The following RCOR1 variants were observed in gnomAD, a reference collection of about 807,000 sequenced individuals.
RCOR1 encodes the protein REST corepressor 1.
A neutral mutation model predicts 64.0 loss-of-function variants in RCOR1; 12 were observed. The ratio of observed to expected loss-of-function variants is 0.19; its 90% CI spans 0.12 to 0.30. The LOEUF (loss-of-function observed/expected upper bound fraction) is 0.30, where lower values mean the gene tolerates loss of function less well. RCOR1 is among the 10% of genes least tolerant of loss of function. RCOR1 has a pLI of 1.00. For synonymous variants in RCOR1, 279 were observed against 227.2 expected, an observed-to-expected ratio of 1.23 and a Z score of -2.05; for missense variants, 502 against 621.2, an observed-to-expected ratio of 0.81 and a Z score of 2.04.
At chr14:102,679,604 G>A (rs1216234574) in intron 2 of RCOR1, among the ~76,000 whole-genome samples, 2 of 151,518 alleles carry the variant, frequency 1.3e-5, no homozygotes, top group Admixed American at 6.6e-5. Flanking sequence ...TCAGTCTCCC[G>A]AGTAGCTGGG....
intron 3 of RCOR1, among the ~76,000 whole-genome samples, chr14:102,692,185 A>G (rs78940473): frequency 6.6e-6 from 1 of 152,202 alleles, no homozygotes; most frequent in African/African-American, 2.4e-5. Context: ...AAAGAGGTGT[A>G]TATTGATATA....
intron 8 of RCOR1, among the ~76,000 whole-genome samples, chr14:102,715,751 T>C (rs1321542370): frequency 6.6e-6 from 1 of 152,248 alleles, no homozygotes; most frequent in Non-Finnish European, 1.5e-5. Flanking sequence ...ATGAAAGTCA[T>C]GTGGTACTGT....
chr14:102,700,856 T>C (rs1895743032), intron 3 of RCOR1, among the ~76,000 whole-genome samples: 1 of 152,230 alleles, frequency 6.6e-6, no homozygotes, highest in Admixed American at 6.5e-5. Flanking sequence ...GGTAAAGACA[T>C]ACCCGAGACT....
At position 102,695,714 on chromosome 14, in the gene RCOR1, T is replaced by TA. The variant is rs1235205706; in HGVS notation, c.446-5564_446-5563insA. ...GCATGAGCCACCATGCCCTGCTATT[T>TA]TTTTTTTTTTTTTTTTAGTAGAGAC... On this transcript the variant is annotated intron_variant, in intron 3 of 11. Transcript: ENST00000262241. 2.0e-5 allele frequency among the ~76,000 whole-genome samples: 3 copies of TA among 147,304 alleles called. No homozygotes were observed. In the East Asian group the frequency reaches 5.8e-4, roughly 29 times the overall value.
intron 2 of RCOR1, among the ~76,000 whole-genome samples, chr14:102,609,861 C>T (rs1053425273): frequency 2.0e-5 from 3 of 150,152 alleles, no homozygotes; most frequent in Admixed American, 1.3e-4. Context: ...CCTTTAAGGC[C>T]GGGTGCAGTG....
intron 2 of RCOR1, among the ~76,000 whole-genome samples, chr14:102,668,760 T>C (rs1435335715): frequency 6.6e-6 from 1 of 152,196 alleles, no homozygotes; most frequent in Non-Finnish European, 1.5e-5. Context: ...TTTATTATCA[T>C]GGAGGATAAA....
At chr14:102,655,382 C>T (rs1894702040) in intron 2 of RCOR1, 10 of 985,226 alleles carry the variant, frequency 1.0e-5, no homozygotes, top group East Asian at 1.1e-4. Context: ...GCATTTTTCC[C>T]TTTGTGAAGC....
chr14:102,627,050 G>T (rs1893995682), intron 2 of RCOR1, among the ~76,000 whole-genome samples: 1 of 152,062 alleles, frequency 6.6e-6, no homozygotes, highest in Non-Finnish European at 1.5e-5. Context: ...TAGTTTAAAT[G>T]TCTTACTTTA....
intron 2 of RCOR1, among the ~76,000 whole-genome samples, chr14:102,625,404 T>G (rs1309118924): frequency 6.6e-6 from 1 of 151,358 alleles, no homozygotes; most frequent in Non-Finnish European, 1.5e-5. Flanking sequence ...CCCGGCTAAT[T>G]TTGTATTTTT....
chr14:102,713,359 TGCCATTCTCCTGCCTCAGCCTCCC>T (rs1047654469), intron 7 of RCOR1, among the ~76,000 whole-genome samples: 5 of 150,462 alleles, frequency 3.3e-5, no homozygotes, highest in East Asian at 2.0e-4. Flanking sequence ...CCCAGGTTCA[TGCCATTCTCCTGCCTCAGCCTCCC>T]GCCATTCTCC....
At chr14:102,630,426 C>T (rs1397495769) in intron 2 of RCOR1, among the ~76,000 whole-genome samples, 1 of 152,164 alleles carries the variant, frequency 6.6e-6, no homozygotes, top group Non-Finnish European at 1.5e-5. Context: ...TATAGGAACA[C>T]TAAAGGGACT....
chr14:102,661,660 C>T (rs888750344), intron 2 of RCOR1, among the ~76,000 whole-genome samples: 4 of 152,184 alleles, frequency 2.6e-5, no homozygotes, highest in South Asian at 2.1e-4. Context: ...CAGCGCAGGA[C>T]GGGCATTTCT....
At chr14:102,652,705 A>G (rs1894616468) in intron 2 of RCOR1, among the ~76,000 whole-genome samples, 1 of 152,070 alleles carries the variant, frequency 6.6e-6, no homozygotes, top group African/African-American at 2.4e-5. Context: ...CTCCCAGCTG[A>G]CTTTTTCCCA....
chr14:102,719,319 G>A (rs1442873976), intron 8 of RCOR1, among the ~76,000 whole-genome samples: 1 of 152,072 alleles, frequency 6.6e-6, no homozygotes, highest in African/African-American at 2.4e-5. Flanking sequence ...TATTACATAT[G>A]TATGCATGTG....
chr14:102,726,060 G>GCCC (rs761369514), intron 11 of RCOR1, among the ~76,000 whole-genome samples: 3 of 152,038 alleles, frequency 2.0e-5, no homozygotes, highest in Non-Finnish European at 4.4e-5. Context: ...TGGGCGTGGG[G>GCCC]GCCCACACAT....
At chr14:102,610,814 A>G (rs1212854079) in intron 2 of RCOR1, among the ~76,000 whole-genome samples, 3 of 152,094 alleles carry the variant, frequency 2.0e-5, no homozygotes, top group African/African-American at 7.2e-5. Flanking sequence ...TCAGCCTCCC[A>G]AAGTGCAGGG....
chr14:102,593,057 C>CGCCGCCTCA lies in RCOR1; in HGVS notation c.178_186dup (p.Ser60_Ala62dup). On this transcript the variant is annotated inframe_insertion, in exon 1 of 12. Coordinates refer to ENST00000262241, the MANE Select transcript of RCOR1 (RefSeq NM_015156.4). Reference sequence around the variant, plus strand: ...CCGCCGCCTCCTCAGCCTCGGCCGCCGCCGCCTCAGCCGCCGCCGCCCCCA... The same window carrying CGCCGCCTCA: ...CCGCCGCCTCCTCAGCCTCGGCCGCCGCCGCCTCAGCCGCCTCAGCCGCCGCCGCCCCCA... 7.2e-7 allele frequency: 1 copy of CGCCGCCTCA among 1,395,758 alleles called. No homozygotes were observed. The highest frequency in any genetic ancestry group is 3.2e-5 in the East Asian group (1 of 31,680). 86.5% of individuals were successfully genotyped at this position (1,395,758 alleles called of 1,614,324 possible).
At chr14:102,645,006 C>G (rs1459440616) in intron 2 of RCOR1, among the ~76,000 whole-genome samples, 3 of 152,184 alleles carry the variant, frequency 2.0e-5, no homozygotes, top group African/African-American at 7.2e-5. Flanking sequence ...AAAAAACCTT[C>G]CCCTCATTTT....
At chr14:102,674,129 C>G (rs949716718) in intron 2 of RCOR1, among the ~76,000 whole-genome samples, 2 of 152,098 alleles carry the variant, frequency 1.3e-5, no homozygotes, top group African/African-American at 4.8e-5. Flanking sequence ...CTGTGCAGGC[C>G]TATAAGAAGG....
Sources: gnomAD v4.1 joint callset for allele counts (sites outside exome capture counted in the v4.1 genomes callset) on GRCh38, gnomAD v4.1.1 for gene constraint, MANE v1.5 for transcripts, NCBI Gene and HGNC (gene_info 2026-07-23, HGNC 2026-07-21) for gene names.